The following PRIM2 variants were observed in gnomAD, a reference collection of about 807,000 sequenced individuals.
PRIM2 encodes DNA primase large subunit.
Under a neutral mutation model 67.3 loss-of-function variants are expected in PRIM2, and 39 were observed. The ratio of observed to expected loss-of-function variants is 0.58; its 90% CI spans 0.45 to 0.76. PRIM2 has a LOEUF of 0.76. PRIM2 is among the 30% of genes least tolerant of loss of function. The probability of loss-of-function intolerance (pLI) is 0.00; values close to 1 mark genes in which losing one functional copy is unlikely to be tolerated. For missense variants in PRIM2, 398 were observed against 598.7 expected, an observed-to-expected ratio of 0.66 and a Z score of 3.50; for synonymous variants, 143 against 198.7, an observed-to-expected ratio of 0.72 and a Z score of 2.36.
chr6:57,621,552 A>G (rs1776855171), intron 12 of PRIM2, among the ~76,000 whole-genome samples: 1 of 152,012 alleles, frequency 6.6e-6, no homozygotes, highest in East Asian at 1.9e-4. Flanking sequence ...AGTTTTTAAT[A>G]TCAACTTAGC....
At chr6:57,270,112 G>A in the PRIM2 span, among the ~76,000 whole-genome samples, 2 of 151,700 alleles carry the variant, frequency 1.3e-5, no homozygotes, top group African/African-American at 2.4e-5. Flanking sequence ...TTGGCGATGC[G>A]GGCTCTTTTT....
At chr6:57,546,065 G>C (rs1775284897) in intron 10 of PRIM2, among the ~76,000 whole-genome samples, 1 of 152,174 alleles carries the variant, frequency 6.6e-6, no homozygotes, top group African/African-American at 2.4e-5. Flanking sequence ...CTGGAATTTA[G>C]TCAAATATGT....
chr6:57,484,413 C>T (rs1773698603), intron 7 of PRIM2, among the ~76,000 whole-genome samples: 1 of 151,964 alleles, frequency 6.6e-6, no homozygotes, highest in Admixed American at 6.6e-5. Flanking sequence ...AAGGCATAGA[C>T]CTAAGTTTCA....
At chr6:57,438,019 C>T (rs1261906003) in intron 7 of PRIM2, among the ~76,000 whole-genome samples, 1 of 152,010 alleles carries the variant, frequency 6.6e-6, no homozygotes, top group Non-Finnish European at 1.5e-5. Context: ...GGTTATTGGT[C>T]ACTGAAAGAG....
intron 4 of PRIM2, 125 bp downstream of exon 4, chr6:57,324,405 A>C (rs553233426): frequency 3.8e-6 from 2 of 531,476 alleles, no homozygotes; most frequent in Non-Finnish European, 3.4e-6. Flanking sequence ...CCGGTTGATC[A>C]TGGGGTTGAA....
At chr6:57,644,908 A>C (rs1777308707) in intron 13 of PRIM2, among the ~76,000 whole-genome samples, 2 of 152,224 alleles carry the variant, frequency 1.3e-5, no homozygotes, top group South Asian at 4.1e-4. Flanking sequence ...ACTAGAGTGC[A>C]TAATTTGAAA....
At chr6:57,233,600 CCCTCCCTCCCTCCCTCCCTCCTTCCCTTT>C in the PRIM2 span, among the ~76,000 whole-genome samples, 1 of 132,052 alleles carries the variant, frequency 7.6e-6, no homozygotes, top group Non-Finnish European at 1.6e-5. Flanking sequence ...TCCCTCCTCC[CCCTCCCTCCCTCCCTCCCTCCTTCCCTTT>C]CCTCCCTCCC....
chr6:57,378,600 G>A (rs1769852217), intron 5 of PRIM2, among the ~76,000 whole-genome samples: 1 of 152,144 alleles, frequency 6.6e-6, no homozygotes, highest in African/African-American at 2.4e-5. Flanking sequence ...GTAATGTGAA[G>A]GTTCCTCCAG....
the PRIM2 span, among the ~76,000 whole-genome samples, chr6:57,304,307 A>G: frequency 1.3e-5 from 2 of 152,244 alleles, no homozygotes; most frequent in Non-Finnish European, 2.9e-5. Flanking sequence ...GGGTTAAATC[A>G]TACAAATGAA....
chr6:57,504,299 A>G (rs1774207246), intron 7 of PRIM2, among the ~76,000 whole-genome samples: 1 of 152,180 alleles, frequency 6.6e-6, no homozygotes, highest in African/African-American at 2.4e-5. Flanking sequence ...CACCTGATTT[A>G]TTGGCATTTA....
chr6:57,340,404 C>G (rs1768431455), intron 5 of PRIM2, among the ~76,000 whole-genome samples: 1 of 152,124 alleles, frequency 6.6e-6, no homozygotes, highest in Non-Finnish European at 1.5e-5. Flanking sequence ...GACACATGCA[C>G]ACATATGTTT....
chr6:57,636,381 T>A (rs1372025816), intron 13 of PRIM2, among the ~76,000 whole-genome samples: 1 of 152,148 alleles, frequency 6.6e-6, no homozygotes, highest in Non-Finnish European at 1.5e-5. Flanking sequence ...AGATTTCCAT[T>A]CTGTTTAGTT....
the PRIM2 span, among the ~76,000 whole-genome samples, chr6:57,225,158 G>T: frequency 6.6e-6 from 1 of 152,060 alleles, no homozygotes; most frequent in East Asian, 1.9e-4. Context: ...AAGCTCTTAG[G>T]CCTAACTGCT....
intron 7 of PRIM2, among the ~76,000 whole-genome samples, chr6:57,412,962 G>A (rs1295341431): frequency 2.6e-5 from 4 of 152,048 alleles, no homozygotes; most frequent in African/African-American, 9.7e-5. Flanking sequence ...TCCTTTCTTC[G>A]AAATGTACTA....
intron 4 of PRIM2, among the ~76,000 whole-genome samples, chr6:57,325,277 C>G (rs780537644): frequency 1.4e-5 from 2 of 144,406 alleles, no homozygotes; most frequent in Non-Finnish European, 3.0e-5. Context: ...TCCCCATTTT[C>G]TTTTTTTTTT....
chr6:57,480,394 A>G (rs2127405405), intron 7 of PRIM2, among the ~76,000 whole-genome samples: 1 of 144,206 alleles, frequency 6.9e-6, no homozygotes, highest in African/African-American at 2.6e-5. Context: ...CATCTTGCAT[A>G]ACTTTAGGTA....
At chr6:57,570,292 A>G (rs1288878255) in intron 10 of PRIM2, among the ~76,000 whole-genome samples, 1 of 152,206 alleles carries the variant, frequency 6.6e-6, no homozygotes, top group Non-Finnish European at 1.5e-5. Context: ...ATGAAAGCCA[A>G]ATGCCTTTGT....
At chr6:57,612,378 A>G (rs1391161721) in intron 12 of PRIM2, among the ~76,000 whole-genome samples, 2 of 152,254 alleles carry the variant, frequency 1.3e-5, no homozygotes, top group Non-Finnish European at 2.9e-5. Context: ...AAATTGTGGT[A>G]TAGTCATACA....
intron 7 of PRIM2, among the ~76,000 whole-genome samples, chr6:57,439,127 CTCTT>C (rs1772110684): frequency 1.3e-5 from 2 of 152,100 alleles, no homozygotes; most frequent in Non-Finnish European, 1.5e-5. Flanking sequence ...TTAGATGAAA[CTCTT>C]TATTATTTAA....
Sources: gnomAD v4.1 joint callset for allele counts (sites outside exome capture counted in the v4.1 genomes callset) on GRCh38, gnomAD v4.1.1 for gene constraint, MANE v1.5 for transcripts, NCBI Gene and HGNC (gene_info 2026-07-23, HGNC 2026-07-21) for gene names.